Variants in KSR2 observed in about 807,000 individuals in gnomAD.
The protein encoded by KSR2 is kinase suppressor of ras 2.
A neutral mutation model predicts 107.8 loss-of-function variants in KSR2; 25 were observed. That is an observed-to-expected ratio of 0.23 (90% CI 0.17 to 0.32). The LOEUF is 0.32. KSR2 is among the 10% of genes least tolerant of loss of function. The pLI is 1.00. For missense variants in KSR2, 887 were observed against 1,268.9 expected (o/e 0.70, Z 4.57); for synonymous variants, 480 against 507.0 (o/e 0.95, Z 0.71).
At chr12:117,674,193 C>T (rs1885025179) in intron 4 of KSR2, 1 of 441,628 alleles carries the variant, frequency 2.3e-6, no homozygotes, top group Non-Finnish European at 4.6e-6. Context: ...CTAAAAGGAT[C>T]CCGAGAAATC....
intron 14 of KSR2, among the ~76,000 whole-genome samples, chr12:117,521,287 A>G (rs1345538781): frequency 6.6e-6 from 1 of 152,214 alleles, no homozygotes; most frequent in African/African-American, 2.4e-5. Context: ...TCAGACAAGC[A>G]AAGAATACTG....
chr12:117,768,845 G>A (rs1889337507), intron 3 of KSR2, among the ~76,000 whole-genome samples: 1 of 152,250 alleles, frequency 6.6e-6, no homozygotes, highest in South Asian at 2.1e-4. Flanking sequence ...CTGAGGCACA[G>A]AGAGGTCAAG....
intron 5 of KSR2, among the ~76,000 whole-genome samples, chr12:117,646,648 A>G (rs1883658522): frequency 1.3e-5 from 2 of 152,172 alleles, no homozygotes; most frequent in African/African-American, 4.8e-5. Flanking sequence ...CAGGCTTGTC[A>G]TGATGGAGTC....
chr12:117,724,587 C>A (rs1024997140), intron 4 of KSR2, among the ~76,000 whole-genome samples: 1 of 151,242 alleles, frequency 6.6e-6, no homozygotes, highest in Non-Finnish European at 1.5e-5. Flanking sequence ...TGCCCCCCCA[C>A]CCCCGGCCGC....
chr12:117,641,547 T>C (rs915265050), intron 5 of KSR2, among the ~76,000 whole-genome samples: 20 of 152,322 alleles, frequency 1.3e-4, no homozygotes, highest in African/African-American at 4.3e-4. Flanking sequence ...TCTCTGTGTC[T>C]GAATTTCCTT....
chr12:117,761,346 C>T lies in KSR2; in HGVS notation c.651G>A (p.Gly217=). ...TGTCCACGTGGGTGTACACAGGGGC[C>T]CCGGGAGTGGGGCTGGTGTGACAAT... ...QHYCHTSPTP[G]APVYTHVDRL... Residue 217 remains glycine (G), a synonymous_variant, in exon 4 of 20, where the codon GGG becomes GGA. Coordinates refer to ENST00000339824, the MANE Select transcript of KSR2 (RefSeq NM_173598.6). 1 of 1,582,752 alleles carries T rather than the reference C, an allele frequency of 6.3e-7. No homozygotes were observed. The highest frequency in any genetic ancestry group is 1.4e-5 in the African/African-American group (1 of 73,016).
At chr12:117,745,698 A>G (rs1888381728) in intron 4 of KSR2, among the ~76,000 whole-genome samples, 1 of 152,180 alleles carries the variant, frequency 6.6e-6, no homozygotes, top group Non-Finnish European at 1.5e-5. Context: ...TCTCAGCCCC[A>G]AAACTCCTTA....
At position 117,896,228 on chromosome 12, in the gene KSR2, T is replaced by G. The variant is rs4767638; in HGVS notation, c.181-35797A>C. On this transcript the variant is annotated intron_variant, in intron 1 of 19. Coordinates refer to ENST00000339824, the MANE Select transcript of KSR2 (RefSeq NM_173598.6). ...TGAAGTACTGATACATGCTACAACA[T>G]AGATGAGCCTCAAAAACACTATGCT... Among the ~76,000 whole-genome samples, 195 of 152,236 alleles carry G rather than the reference T, an allele frequency of 1.3e-3. 5 individuals are homozygous for G. Among genetic ancestry groups the G allele is most frequent in the Admixed American group, 9.5e-3 (146 of 15,296 alleles).
intron 7 of KSR2, among the ~76,000 whole-genome samples, chr12:117,574,622 G>C (rs2136224627): frequency 6.6e-6 from 1 of 152,194 alleles, no homozygotes; most frequent in Admixed American, 6.5e-5. Flanking sequence ...TCTCCTGCCG[G>C]GTCCCTCCCA....
At chr12:117,745,982 A>G (rs1888392338) in intron 4 of KSR2, among the ~76,000 whole-genome samples, 2 of 152,246 alleles carry the variant, frequency 1.3e-5, no homozygotes, top group African/African-American at 2.4e-5. Context: ...GGAAGAATCA[A>G]TATCATGAAC....
chr12:117,582,385 T>C (rs1305442570), intron 5 of KSR2, 26 bp from the exon 6 acceptor site: 1 of 1,588,902 alleles, frequency 6.3e-7, no homozygotes. Flanking sequence ...AACAGCCTGT[T>C]ACACAGAGGG....
intron 5 of KSR2, among the ~76,000 whole-genome samples, chr12:117,647,488 C>T (rs941128378): frequency 1.1e-4 from 16 of 152,102 alleles, no homozygotes; most frequent in African/African-American, 2.7e-4. Context: ...GGCTGTGGCA[C>T]GTCCACGCAA....
chr12:117,848,842 T>TG (rs1416274312), intron 3 of KSR2, among the ~76,000 whole-genome samples: 180 of 66,510 alleles, frequency 2.7e-3, no homozygotes, highest in Non-Finnish European at 5.1e-3. Flanking sequence ...GTAGTGGTGG[T>TG]GATGGTGATG....
chr12:117,695,007 C>T (rs1939709622), intron 4 of KSR2, among the ~76,000 whole-genome samples: 1 of 152,052 alleles, frequency 6.6e-6, no homozygotes, highest in African/African-American at 2.4e-5. Flanking sequence ...CACGCCACCA[C>T]ACCCAGCTAA....
intron 14 of KSR2, among the ~76,000 whole-genome samples, chr12:117,486,047 TTC>T (rs1872445388): frequency 6.6e-6 from 1 of 152,218 alleles, no homozygotes; most frequent in African/African-American, 2.4e-5. Flanking sequence ...TCAGACAGCA[TTC>T]TGTTGGCCAT....
rs1181125963 is a variant in KSR2 at position 117,461,356 on chromosome 12, T to C, written c.*5843A>G. ...ATGGTCTGGCAAAGGGGAATCCCAATACCATCCAGCCCTGCCAATGGTGCC... is the reference window on the plus strand; with the variant it reads ...ATGGTCTGGCAAAGGGGAATCCCAACACCATCCAGCCCTGCCAATGGTGCC... On this transcript the variant is annotated 3_prime_UTR_variant, in exon 20 of 20. Coordinates refer to ENST00000339824, the MANE Select transcript of KSR2 (RefSeq NM_173598.6). 1 of 152,258 alleles carries C rather than the reference T, an allele frequency of 6.6e-6. No individual in the cohort carries two copies. Among genetic ancestry groups the C allele is most frequent in the Non-Finnish European group, 1.5e-5 (1 of 68,084 alleles). 9.4% of individuals were successfully genotyped at this position (152,258 alleles called of 1,614,324 possible). A position where few individuals can be genotyped will look rare whatever the true frequency, so the allele number is the denominator to read the frequency against.
At chr12:117,553,905 C>T (rs967525462) in intron 9 of KSR2, among the ~76,000 whole-genome samples, 7 of 151,576 alleles carry the variant, frequency 4.6e-5, no homozygotes, top group Admixed American at 4.6e-4. Flanking sequence ...CCGTGTGATG[C>T]GTGCTTCCCT....
At chr12:117,734,658 T>G (rs1887869844) in intron 4 of KSR2, among the ~76,000 whole-genome samples, 1 of 152,114 alleles carries the variant, frequency 6.6e-6, no homozygotes, top group Non-Finnish European at 1.5e-5. Context: ...AAAGGCAGGG[T>G]CATTTGCTCA....
intron 5 of KSR2, among the ~76,000 whole-genome samples, chr12:117,612,283 A>G (rs1414619899): frequency 6.6e-6 from 1 of 151,908 alleles, no homozygotes; most frequent in East Asian, 1.9e-4. Context: ...GCACCCCTGT[A>G]GTCCCAGCTA....
Sources: allele counts gnomAD v4.1 joint callset (sites outside exome capture counted in the v4.1 genomes callset), GRCh38; gene constraint gnomAD v4.1.1; transcripts MANE v1.5; gene names NCBI Gene and HGNC (gene_info 2026-07-23, HGNC 2026-07-21).